Variants in CECR2 observed in about 807,000 individuals in gnomAD.
CECR2 encodes the protein chromatin remodeling regulator CECR2.
CECR2 carries 30 observed loss-of-function variants against 154.5 expected under a neutral mutation model. The observed-to-expected ratio is 0.19, with a 90% CI of 0.15 to 0.26. CECR2 has a LOEUF of 0.26. Ranked by LOEUF, CECR2 falls within the 10% of genes least tolerant of loss-of-function variation. The pLI is 1.00. For synonymous variants in CECR2, 725 were observed against 683.7 expected (o/e 1.06, Z -0.94); for missense variants, 1,743 against 1,829.3 (o/e 0.95, Z 0.86).
At chr22:17,382,866 C>T (rs528389531) in intron 1 of CECR2, among the ~76,000 whole-genome samples, 5 of 152,006 alleles carry the variant, frequency 3.3e-5, no homozygotes, top group African/African-American at 1.2e-4. Flanking sequence ...TGCAACACTG[C>T]ACTCCCCCCT....
At chr22:17,529,342 G>A (rs1485025896) in intron 9 of CECR2, among the ~76,000 whole-genome samples, 1 of 152,106 alleles carries the variant, frequency 6.6e-6, no homozygotes, top group East Asian at 1.9e-4. Flanking sequence ...GGCTGGCTGG[G>A]CATGAATTGA....
intron 2 of CECR2, among the ~76,000 whole-genome samples, chr22:17,481,681 C>T (rs2055321372): frequency 6.6e-6 from 1 of 152,146 alleles, no homozygotes. Flanking sequence ...CGACAGTGGT[C>T]ACACGAGGTT....
intron 2 of CECR2, among the ~76,000 whole-genome samples, chr22:17,490,893 C>T (rs1231320206): frequency 3.7e-5 from 3 of 80,404 alleles, no homozygotes; most frequent in South Asian, 6.0e-4. Flanking sequence ...CCTGTTTCCT[C>T]CCACCCACTT....
chr22:17,410,528 A>G (rs572374182), intron 1 of CECR2, among the ~76,000 whole-genome samples: 2 of 151,750 alleles, frequency 1.3e-5, no homozygotes, highest in African/African-American at 2.4e-5. Context: ...GCTCACTGCA[A>G]CCTCCACCTC....
intron 5 of CECR2, among the ~76,000 whole-genome samples, chr22:17,502,141 G>T (rs138034677): frequency 1.4e-3 from 217 of 152,264 alleles, no homozygotes; most frequent in African/African-American, 4.8e-3. Context: ...TATACACTTT[G>T]CATTTTGTCA....
intron 1 of CECR2, among the ~76,000 whole-genome samples, chr22:17,396,762 C>A (rs1458907080): frequency 1.3e-5 from 2 of 152,154 alleles, no homozygotes; most frequent in Admixed American, 6.5e-5. Context: ...GAGAAGTAAT[C>A]TCTGCAGAGT....
At chr22:17,464,082 A>G (rs2054987835) in intron 1 of CECR2, among the ~76,000 whole-genome samples, 1 of 152,200 alleles carries the variant, frequency 6.6e-6, no homozygotes, top group African/African-American at 2.4e-5. Context: ...TTGCAGTACA[A>G]TGGTGGGAAT....
chr22:17,453,570 T>A (rs1273560695), intron 1 of CECR2, among the ~76,000 whole-genome samples: 1 of 152,198 alleles, frequency 6.6e-6, no homozygotes, highest in East Asian at 1.9e-4. Context: ...ATTTGGCCAG[T>A]ACATGATGAT....
intron 8 of CECR2, among the ~76,000 whole-genome samples, chr22:17,514,371 G>A (rs1194032335): frequency 6.6e-6 from 1 of 152,152 alleles, no homozygotes; most frequent in Non-Finnish European, 1.5e-5. Context: ...GTTGGGCATT[G>A]CTTAAACCAG....
intron 2 of CECR2, among the ~76,000 whole-genome samples, chr22:17,480,974 A>T (rs2055301135): frequency 6.7e-6 from 1 of 149,118 alleles, no homozygotes; most frequent in Non-Finnish European, 1.5e-5. Context: ...CGGGAGGCGG[A>T]GGTTGCAGTG....
chr22:17,547,052 A>AG (rs1430400706), intron 16 of CECR2, among the ~76,000 whole-genome samples: 1 of 151,228 alleles, frequency 6.6e-6, no homozygotes, highest in East Asian at 1.9e-4. Context: ...AAAAAAAAAA[A>AG]AAAAAAAGAT....
intron 2 of CECR2, among the ~76,000 whole-genome samples, chr22:17,488,381 A>G (rs2055463022): frequency 6.6e-6 from 1 of 152,196 alleles, no homozygotes; most frequent in East Asian, 1.9e-4. Context: ...TGAGGGCACC[A>G]CATAGTCACT....
At chr22:17,543,158 A>T (rs1294081819) in intron 16 of CECR2, among the ~76,000 whole-genome samples, 155 bp downstream of exon 16, 1 of 151,990 alleles carries the variant, frequency 6.6e-6, no homozygotes, top group African/African-American at 2.4e-5. Flanking sequence ...TTTGAGACAG[A>T]GTCTTGCTCT....
chr22:17,510,744 G>GGC (rs1433316861), intron 7 of CECR2, among the ~76,000 whole-genome samples: 12 of 152,266 alleles, frequency 7.9e-5, no homozygotes, highest in Admixed American at 3.9e-4. Context: ...TGGGACTACA[G>GGC]GCACGCACCA....
upstream of CECR2, among the ~76,000 whole-genome samples, chr22:17,369,213 T>A (rs1184085456): frequency 6.7e-6 from 1 of 150,104 alleles, no homozygotes; most frequent in East Asian, 2.0e-4. Flanking sequence ...AACTCCCCAG[T>A]CCCAAAGTCC....
At chr22:17,478,312 G>T (rs1402650178) in intron 2 of CECR2, among the ~76,000 whole-genome samples, 1 of 148,804 alleles carries the variant, frequency 6.7e-6, no homozygotes, top group African/African-American at 2.5e-5. Flanking sequence ...GGTTTGAGTT[G>T]TTATGGTTTG....
At chr22:17,460,752 C>G (rs2054925422) in intron 1 of CECR2, among the ~76,000 whole-genome samples, 1 of 152,226 alleles carries the variant, frequency 6.6e-6, no homozygotes, top group South Asian at 2.1e-4. Flanking sequence ...CATTAATAAA[C>G]ACTATCTACA....
chr22:17,489,273 T>G (rs1032269028), intron 2 of CECR2, among the ~76,000 whole-genome samples: 1 of 152,212 alleles, frequency 6.6e-6, no homozygotes, highest in African/African-American at 2.4e-5. Flanking sequence ...TGTTTTTAAT[T>G]TTACTAATCC....
intron 5 of CECR2, 40 bp from the exon 6 acceptor site, chr22:17,503,042 G>C: frequency 1.3e-6 from 2 of 1,596,974 alleles, no homozygotes; most frequent in Non-Finnish European, 1.7e-6. Flanking sequence ...TTTTGGACCT[G>C]TCTTTGTTTT....
Sources: allele counts gnomAD v4.1 joint callset (sites outside exome capture counted in the v4.1 genomes callset), GRCh38; gene constraint gnomAD v4.1.1; transcripts MANE v1.5; gene names NCBI Gene and HGNC (gene_info 2026-07-23, HGNC 2026-07-21).